MOV10L1: variants seen among roughly 807,000 people sequenced by gnomAD.
The protein encoded by MOV10L1 is Mov10 like RNA helicase 1.
A neutral mutation model predicts 143.8 loss-of-function variants in MOV10L1; 110 were observed. That is an observed-to-expected ratio of 0.76 (90% CI 0.66 to 0.90). The LOEUF is 0.90. Ranked by LOEUF, MOV10L1 falls within the 40% of genes least tolerant of loss-of-function variation. The pLI is 0.00. For missense variants in MOV10L1, 1,406 were observed against 1,526.8 expected (o/e 0.92, Z 1.32); for synonymous variants, 593 against 581.1 (o/e 1.02, Z -0.29).
chr22:50,129,568 C>T (rs1032105027), intron 13 of MOV10L1, among the ~76,000 whole-genome samples: 2 of 152,116 alleles, frequency 1.3e-5, no homozygotes, highest in African/African-American at 2.4e-5. Context: ...TGCTGCTGTT[C>T]CTAGAGCTGC....
At chr22:50,136,263 T>A (rs1471211112) in intron 15 of MOV10L1, among the ~76,000 whole-genome samples, 2 of 151,912 alleles carry the variant, frequency 1.3e-5, no homozygotes, top group African/African-American at 4.8e-5. Flanking sequence ...TCGGGGAGAG[T>A]CTGTGGTGCA....
At chr22:50,090,496 C>T in intron 1 of MOV10L1, 1 of 1,610,276 alleles carries the variant, frequency 6.2e-7, no homozygotes. Context: ...TCCCTGTCCG[C>T]AGCGTCATTG....
intron 19 of MOV10L1, chr22:50,146,985 G>C: frequency 7.0e-7 from 1 of 1,419,078 alleles, no homozygotes; most frequent in Non-Finnish European, 9.7e-7. Context: ...TGTGGCTACC[G>C]GATTGGACAG....
intron 10 of MOV10L1, among the ~76,000 whole-genome samples, 196 bp downstream of exon 10, chr22:50,120,812 C>T (rs1391151193): frequency 1.3e-5 from 2 of 152,206 alleles, no homozygotes; most frequent in African/African-American, 4.8e-5. Context: ...ACCTGCTGTA[C>T]ACCAGGGGCT....
intron 16 of MOV10L1, 70 bp from the exon 17 acceptor site, chr22:50,142,973 G>T: frequency 6.8e-7 from 1 of 1,473,162 alleles, no homozygotes. Flanking sequence ...GCCTGACCTA[G>T]GTGAGGACGT....
intron 19 of MOV10L1, chr22:50,147,013 CAG>C (rs2063170367): frequency 1.3e-5 from 20 of 1,531,802 alleles, no homozygotes; most frequent in Non-Finnish European, 1.8e-5. Flanking sequence ...CTGAACAAGA[CAG>C]GGATTTTTTT....
intron 26 of MOV10L1, 66 bp from the exon 27 acceptor site, chr22:50,161,300 AAG>A (rs1473615448): frequency 7.5e-7 from 1 of 1,325,800 alleles, no homozygotes; most frequent in Admixed American, 2.4e-5. Context: ...ACATTGGGAA[AAG>A]AGTGCAGCTC....
intron 6 of MOV10L1, 132 bp downstream of exon 6, chr22:50,113,920 T>TC (rs2062093821): frequency 1.2e-6 from 1 of 842,536 alleles, no homozygotes; most frequent in South Asian, 2.8e-5. Flanking sequence ...TTCTTTTTTT[T>TC]TTTTTTTTTT....
chr22:50,159,847 G>C lies in MOV10L1; in HGVS notation c.3324+62G>C. The stretch of plus-strand genomic sequence containing the variant: ...GGTGCTTGCTGCCCTGGGGGTTCTG[G>C]GGGCTTCAGATCTAAAGGGGCAGAG... On this transcript the variant is annotated intron_variant, in intron 24 of 26. Coordinates refer to ENST00000262794, the MANE Select transcript of MOV10L1 (RefSeq NM_018995.3). This position sits in a 1 kb window ranked among gnomAD's most constrained non-coding sequence, Gnocchi z 4.1. 1 of 1,154,692 alleles carries C rather than the reference G, an allele frequency of 8.7e-7. No individual in the cohort carries two copies. The highest frequency in any genetic ancestry group is 1.3e-6 in the Non-Finnish European group (1 of 779,288). The allele number at this position is 1,154,692 out of a possible 1,614,324, so 71.5% of individuals were successfully genotyped here.
chr22:50,123,443 C>T (rs1233707903), intron 10 of MOV10L1, among the ~76,000 whole-genome samples: 1 of 152,132 alleles, frequency 6.6e-6, no homozygotes, highest in African/African-American at 2.4e-5. Context: ...CTGCTCACTG[C>T]AGCCTCGAGC....
At chr22:50,108,913 G>C in intron 5 of MOV10L1, 69 bp downstream of exon 5, 2 of 1,479,164 alleles carry the variant, frequency 1.4e-6, no homozygotes, top group Non-Finnish European at 1.9e-6. Context: ...GGGAGGCTGA[G>C]GCAGACGGAT....
At chr22:50,120,460 TG>T (rs774485772) in intron 9 of MOV10L1, 41 bp from the exon 10 acceptor site, 1 of 1,253,824 alleles carries the variant, frequency 8.0e-7, no homozygotes, top group East Asian at 2.3e-5. Flanking sequence ...TGATACCTGG[TG>T]ATAAAGACTT....
chr22:50,110,177 C>T (rs1484954721), intron 5 of MOV10L1, among the ~76,000 whole-genome samples: 2 of 150,098 alleles, frequency 1.3e-5, no homozygotes, highest in South Asian at 2.1e-4. Flanking sequence ...TTGCCGGGCG[C>T]GGTGGCTCAC....
At chr22:50,092,285 G>A in intron 2 of MOV10L1, 100 bp downstream of exon 2, 1 of 1,048,316 alleles carries the variant, frequency 9.5e-7, no homozygotes, top group South Asian at 1.6e-5. Context: ...GGCCAAGGGA[G>A]AAAGAGTGGA....
chr22:50,122,669 A>G (rs1163115650), intron 10 of MOV10L1, among the ~76,000 whole-genome samples: 1 of 152,154 alleles, frequency 6.6e-6, no homozygotes, highest in Non-Finnish European at 1.5e-5. Context: ...ACCATTGAGT[A>G]TGATGTTAAC....
chr22:50,122,646 C>G (rs187704102), intron 10 of MOV10L1, among the ~76,000 whole-genome samples: 70 of 152,288 alleles, frequency 4.6e-4, no homozygotes, highest in Admixed American at 3.0e-3. Flanking sequence ...ATGGGAAAAG[C>G]TTTCAATCTT....
chr22:50,145,939 G>A lies in MOV10L1; in HGVS notation c.2627+129G>A, dbSNP rs540599790. On this transcript the variant is annotated intron_variant, in intron 19 of 26. Transcript: ENST00000262794. ...CAGGGAGGGAGGCAGGGCTGTGGGCGAGAAAGGCTGGTTGGGGAGGGCCGT... is the reference window on the plus strand; with the variant it reads ...CAGGGAGGGAGGCAGGGCTGTGGGCAAGAAAGGCTGGTTGGGGAGGGCCGT... 5.0e-5 allele frequency: 70 copies of A among 1,401,966 alleles called. No homozygotes were observed. The Admixed American group carries it at 7.1e-4, about 14-fold the overall frequency. 86.8% of individuals were successfully genotyped at this position (1,401,966 alleles called of 1,614,324 possible).
At chr22:50,142,947 G>A (rs1349916167) in intron 16 of MOV10L1, 96 bp from the exon 17 acceptor site, 17 of 1,174,064 alleles carry the variant, frequency 1.4e-5, no homozygotes, top group Non-Finnish European at 2.1e-5. Context: ...TTTAGCCTTT[G>A]CACAGACGTG....
intron 1 of MOV10L1, chr22:50,090,556 C>T: frequency 6.3e-7 from 1 of 1,589,842 alleles, no homozygotes; most frequent in Non-Finnish European, 8.6e-7. Context: ...GCAGACTTGG[C>T]CTGTCCTTTC....
Sources: allele counts gnomAD v4.1 joint callset (sites outside exome capture counted in the v4.1 genomes callset), GRCh38; gene constraint gnomAD v4.1.1; non-coding constraint Gnocchi (gnomAD v3.1); transcripts MANE v1.5; gene names NCBI Gene and HGNC (gene_info 2026-07-23, HGNC 2026-07-21).